The following LGSN variants were observed in gnomAD, a reference collection of about 807,000 sequenced individuals.
LGSN encodes lengsin.
Under a neutral mutation model 19.5 loss-of-function variants are expected in LGSN, and 21 were observed. That is an observed-to-expected ratio of 1.07 (90% CI 0.76 to 1.55). LGSN has a LOEUF of 1.55. Ranked by LOEUF, LGSN falls within the 40% of genes most tolerant of loss-of-function variation. LGSN has a pLI of 0.00. For synonymous variants in LGSN, 257 were observed against 215.6 expected (o/e 1.19, Z -1.68); for missense variants, 673 against 608.5 (o/e 1.11, Z -1.12).
At chr6:63,432,010 A>C in the LGSN span, among the ~76,000 whole-genome samples, 1 of 150,946 alleles carries the variant, frequency 6.6e-6, no homozygotes, top group Admixed American at 6.6e-5. Flanking sequence ...CAGGAGGGGG[A>C]GGTTGCAGTG....
chr6:63,569,472 G>A, the LGSN span, among the ~76,000 whole-genome samples: 42 of 152,122 alleles, frequency 2.8e-4, no homozygotes, highest in Non-Finnish European at 5.6e-4. Context: ...GACCAGGCTG[G>A]TCTTGAACTC....
At chr6:63,286,113 G>A (rs557270875) in intron 2 of LGSN, among the ~76,000 whole-genome samples, 9 of 152,308 alleles carry the variant, frequency 5.9e-5, no homozygotes, top group African/African-American at 2.2e-4. Context: ...AAGCCTGTCT[G>A]TAGGTGACTA....
the LGSN span, among the ~76,000 whole-genome samples, chr6:63,484,767 G>C: frequency 1.3e-5 from 2 of 152,210 alleles, no homozygotes; most frequent in Non-Finnish European, 1.5e-5. Flanking sequence ...CTGGCTCTGA[G>C]GTAAATAACT....
the LGSN span, among the ~76,000 whole-genome samples, chr6:63,449,816 A>G: frequency 2.0e-5 from 3 of 152,324 alleles, no homozygotes; most frequent in Non-Finnish European, 4.4e-5. Context: ...AACAATACTA[A>G]ATAGAATATA....
chr6:63,428,357 T>G, the LGSN span, among the ~76,000 whole-genome samples: 2 of 152,102 alleles, frequency 1.3e-5, no homozygotes, highest in African/African-American at 4.8e-5. Flanking sequence ...TTATTATTTA[T>G]TTATTTATTT....
the LGSN span, chr6:63,548,952 C>G: frequency 4.8e-6 from 4 of 825,940 alleles, no homozygotes; most frequent in African/African-American, 5.0e-5. Context: ...TCTTGCCTCC[C>G]CCTTGATAAT....
chr6:63,431,504 T>A, the LGSN span, among the ~76,000 whole-genome samples: 1 of 152,212 alleles, frequency 6.6e-6, no homozygotes, highest in Non-Finnish European at 1.5e-5. Flanking sequence ...AGTTTTGAAG[T>A]CATATAAATA....
the LGSN span, among the ~76,000 whole-genome samples, chr6:63,490,663 G>T: frequency 6.6e-6 from 1 of 152,008 alleles, no homozygotes; most frequent in Non-Finnish European, 1.5e-5. Context: ...TGCAACCTCT[G>T]TCTCCCAGGC....
At chr6:63,341,658 G>A in the LGSN span, among the ~76,000 whole-genome samples, 28 of 152,294 alleles carry the variant, frequency 1.8e-4, no homozygotes, top group African/African-American at 6.0e-4. Flanking sequence ...TGGAAAGGAA[G>A]GGTCCAGCTG....
chr6:63,479,506 G>A, the LGSN span, among the ~76,000 whole-genome samples: 2 of 151,928 alleles, frequency 1.3e-5, no homozygotes, highest in Admixed American at 6.6e-5. Flanking sequence ...TTCAGAGGCC[G>A]AGGCTGGCGG....
the LGSN span, among the ~76,000 whole-genome samples, chr6:63,345,364 G>A: frequency 1.3e-3 from 203 of 152,064 alleles, no homozygotes; most frequent in African/African-American, 4.5e-3. Context: ...GGGTTCATTT[G>A]GGAATAACAG....
chr6:63,312,131 C>T (rs1395770755), intron 1 of LGSN, among the ~76,000 whole-genome samples: 1 of 152,140 alleles, frequency 6.6e-6, no homozygotes, highest in Non-Finnish European at 1.5e-5. Flanking sequence ...TTTAAGGCTT[C>T]CTTCCTTTCA....
the LGSN span, among the ~76,000 whole-genome samples, chr6:63,460,014 CA>C: frequency 6.9e-6 from 1 of 145,982 alleles, no homozygotes; most frequent in South Asian, 2.3e-4. Context: ...CATTGTGCAA[CA>C]AACTTTGCTC....
chr6:63,346,744 T>A, the LGSN span, among the ~76,000 whole-genome samples: 2 of 151,718 alleles, frequency 1.3e-5, no homozygotes, highest in Non-Finnish European at 2.9e-5. Flanking sequence ...TAACTCTAGG[T>A]AGATATTACC....
the LGSN span, among the ~76,000 whole-genome samples, chr6:63,357,197 G>A: frequency 6.6e-6 from 1 of 152,104 alleles, no homozygotes; most frequent in East Asian, 1.9e-4. Flanking sequence ...ATTCCATGGT[G>A]TATATGTGCC....
chr6:63,419,830 G>A, the LGSN span, among the ~76,000 whole-genome samples: 1 of 128,618 alleles, frequency 7.8e-6, no homozygotes, highest in East Asian at 2.6e-4. Flanking sequence ...AGAGGTTGCA[G>A]TGATGATACC....
the LGSN span, among the ~76,000 whole-genome samples, chr6:63,417,121 C>T: frequency 6.6e-6 from 1 of 152,134 alleles, no homozygotes; most frequent in Non-Finnish European, 1.5e-5. Context: ...CCCTTGAAGG[C>T]ACTGAAGAGA....
At chr6:63,495,158 T>TA in the LGSN span, among the ~76,000 whole-genome samples, 12 of 152,164 alleles carry the variant, frequency 7.9e-5, no homozygotes, top group Non-Finnish European at 1.8e-4. Context: ...AGAAGTTCTA[T>TA]AAAACACAGT....
At chr6:63,489,855 G>A in the LGSN span, among the ~76,000 whole-genome samples, 1 of 151,908 alleles carries the variant, frequency 6.6e-6, no homozygotes, top group Middle Eastern at 3.4e-3. Context: ...GATTACAGAC[G>A]CATGCCACCA....
Sources: allele counts gnomAD v4.1 joint callset (sites outside exome capture counted in the v4.1 genomes callset), GRCh38; gene constraint gnomAD v4.1.1; transcripts MANE v1.5; gene names NCBI Gene and HGNC (gene_info 2026-07-23, HGNC 2026-07-21).